Variants in FHDC1 observed in about 807,000 individuals in gnomAD.
The protein encoded by FHDC1 is FH2 domain containing 1.
In FHDC1, 25 loss-of-function variants were observed where a neutral mutation model predicts 52.6. That is an observed-to-expected ratio of 0.48 (90% CI 0.35 to 0.66). The LOEUF (loss-of-function observed/expected upper bound fraction) is 0.66, where lower values mean the gene tolerates loss of function less well. FHDC1 is among the 30% of genes least tolerant of loss of function. The pLI, the probability that FHDC1 is intolerant of heterozygous loss-of-function variation, is 0.01. For synonymous variants in FHDC1, 616 were observed against 581.5 expected (o/e 1.06, Z -0.85); for missense variants, 1,459 against 1,452.8 (o/e 1.00, Z -0.07).
In FHDC1 at chr4:152,954,262, G is replaced by C; in HGVS notation, c.606G>C (p.Glu202Asp). ...IVEDIHQGKS[E>D]HYGSETLREF... ...AAGATATTCATCAAGGAAAAAGTGA[G>C]CATTATGGATCAGAGACCTTGCGAG... The change falls in exon 4 of 12, where the codon GAG becomes GAC. Residue 202 changes from glutamate (E) to aspartate (D), a missense_variant. Glu to Asp is a conservative substitution (Grantham distance 45). This residue lies in a region of FHDC1 where 513 missense variants were observed against 581.5 expected (regional missense o/e 0.88). Coordinates refer to ENST00000511601, the MANE Select transcript of FHDC1 (RefSeq NM_001371116.1). The C allele has an allele frequency of 6.2e-7, 1 of 1,614,210 alleles. No individual in the cohort carries two copies. Among genetic ancestry groups the C allele is most frequent in the Non-Finnish European group, 8.5e-7 (1 of 1,180,020 alleles).
Position 152,963,769 on chromosome 4 carries a change from G to GTTTTTTTTTT in FHDC1, c.1029+664_1029+673dup, listed in dbSNP as rs58783965. ...GGAGTCTGATCCTATCCATTGCTTT[G>GTTTTTTTTTT]TTTTTTTTTTTTTTTTTTTTTTTTT... On this transcript the variant is annotated intron_variant, in intron 8 of 11. Transcript: ENST00000511601. Among the ~76,000 whole-genome samples, 38 of 51,802 alleles carry GTTTTTTTTTT rather than the reference G, an allele frequency of 7.3e-4. 5 individuals are homozygous for GTTTTTTTTTT. The highest frequency in any genetic ancestry group is 1.0e-3 in the African/African-American group (16 of 15,446). 34.0% of individuals were successfully genotyped at this position (51,802 alleles called of 152,430 possible). A position where few individuals can be genotyped will look rare whatever the true frequency, so the allele number is the denominator to read the frequency against.
chr4:152,969,285 T>G (rs1266753261), intron 10 of FHDC1, among the ~76,000 whole-genome samples: 1 of 152,198 alleles, frequency 6.6e-6, no homozygotes, highest in Non-Finnish European at 1.5e-5. Context: ...TTCAAAATAT[T>G]ATGGCCTTCG....
chr4:152,964,214 A>C (rs1480622397), intron 8 of FHDC1, among the ~76,000 whole-genome samples: 1 of 152,234 alleles, frequency 6.6e-6, no homozygotes, highest in Non-Finnish European at 1.5e-5. Context: ...TGAGCTCTCC[A>C]TAAATAACCA....
Position 152,974,900 on chromosome 4 carries a change from C to T in FHDC1, c.1609C>T (p.Arg537Cys), listed in dbSNP as rs756746617. 3.1e-5 allele frequency: 50 copies of T among 1,608,816 alleles called. No individual in the cohort carries two copies. Among genetic ancestry groups the T allele is most frequent in the Non-Finnish European group, 3.8e-5 (45 of 1,178,434 alleles). Residue 537 changes from arginine to cysteine, a missense_variant, in exon 12 of 12, where the codon CGC becomes TGC. Physicochemically the swap from Arg to Cys is radical, Grantham distance 180. This residue lies in a region of FHDC1 where 939 missense variants were observed against 854.5 expected (regional missense o/e 1.10). Coordinates refer to ENST00000511601, the MANE Select transcript of FHDC1 (RefSeq NM_001371116.1). ...CCCCTCCTACCGGCCCCCGAACACC[C>T]GCCGCTCCCGCCTCTCCCTGGGTCC... Reference protein sequence around the residue: ...SSPSYRPPNTRRSRLSLGPSA... With the variant: ...SSPSYRPPNTCRSRLSLGPSA...
Position 152,950,252 on chromosome 4 carries a change from C to G in FHDC1, c.499-3247C>G, listed in dbSNP as rs145652444. On this transcript the variant is annotated intron_variant, in intron 2 of 11. Coordinates refer to ENST00000511601, the MANE Select transcript of FHDC1 (RefSeq NM_001371116.1). The stretch of plus-strand genomic sequence containing the variant: ...GCAAGCATTTGGGAAGTGAGATAAG[C>G]TAATTTACATGTGCAGTGATAACCC... 3.9e-5 allele frequency among the ~76,000 whole-genome samples: 6 copies of G among 152,294 alleles called. No individual in the cohort carries two copies. In the East Asian group the frequency reaches 1.2e-3, roughly 29 times the overall value.
Position 152,943,573 on chromosome 4 carries a change from A to C in FHDC1, c.498+18A>C. On this transcript the variant is annotated intron_variant, in intron 2 of 11. Transcript: ENST00000511601. ...GAGAAGAGGTAAGAATGCAAGGTGG[A>C]GGGCTAATCCTCCACACACTGCATT... The C allele has an allele frequency of 6.2e-7, 1 of 1,601,080 alleles. No homozygotes were observed. Among genetic ancestry groups the C allele is most frequent in the Non-Finnish European group, 8.5e-7 (1 of 1,173,486 alleles).
chr4:152,921,788 T>A, the FHDC1 span, among the ~76,000 whole-genome samples: 1 of 152,116 alleles, frequency 6.6e-6, no homozygotes, highest in African/African-American at 2.4e-5. Context: ...CTAGCAGAGA[T>A]AAATATGAAA....
intron 8 of FHDC1, 129 bp from the exon 9 acceptor site, chr4:152,964,776 A>G: frequency 2.9e-6 from 2 of 688,370 alleles, no homozygotes; most frequent in Admixed American, 5.5e-5. Flanking sequence ...TTCATGTCTC[A>G]GTGAAATGCT....
At chr4:152,934,687 A>G (rs143457065), upstream of FHDC1, among the ~76,000 whole-genome samples, 18 of 152,326 alleles carry the variant, frequency 1.2e-4, no homozygotes, top group African/African-American at 3.8e-4. Context: ...AAGGAAGAGA[A>G]GGGTCAGCAG....
intron 9 of FHDC1, among the ~76,000 whole-genome samples, chr4:152,967,228 C>T (rs1485988798): frequency 6.6e-6 from 1 of 152,150 alleles, no homozygotes; most frequent in African/African-American, 2.4e-5. Context: ...GGGTTCTAGA[C>T]CAGCCTGGCC....
At position 152,963,160 on chromosome 4, in the gene FHDC1, C is replaced by T. The variant is rs375603714; in HGVS notation, c.1029+30C>T. ...GTGGAAATGATTAGGACTTAGAGAA[C>T]GCATATGAATACCCCTTGGAGGCAG... On this transcript the variant is annotated intron_variant, in intron 8 of 11. Transcript: ENST00000511601. 3.5e-4 allele frequency: 557 copies of T among 1,586,722 alleles called. 3 individuals carry two copies. The African/African-American group carries it at 5.6e-3, about 16-fold the overall frequency.
Position 152,968,115 on chromosome 4 carries a change from G to T in FHDC1, c.1218+18G>T, listed in dbSNP as rs760068783. ...TTCTTCAGGTTTGTAGGTGACTCAA[G>T]TCAGTCCCTCTAATCTCATCTCCCA... On this transcript the variant is annotated intron_variant, in intron 10 of 11. Transcript: ENST00000511601. 2.2e-5 allele frequency: 35 copies of T among 1,584,948 alleles called. No individual in the cohort carries two copies. The highest frequency in any genetic ancestry group is 1.7e-5 in the Non-Finnish European group (20 of 1,155,236).
intron 3 of FHDC1, 143 bp from the exon 4 acceptor site, chr4:152,954,074 T>G (rs1419575279): frequency 3.1e-6 from 2 of 649,336 alleles, no homozygotes; most frequent in African/African-American, 1.8e-5. Context: ...GGGGCTGTTA[T>G]GAGCACTCAC....
At chr4:152,920,008 C>T in the FHDC1 span, among the ~76,000 whole-genome samples, 17 of 132,344 alleles carry the variant, frequency 1.3e-4, no homozygotes, top group African/African-American at 2.6e-4. Flanking sequence ...AGTGCAGTGG[C>T]GCAATCTTGG....
At chr4:152,949,218 G>C (rs1488213529) in intron 2 of FHDC1, among the ~76,000 whole-genome samples, 4 of 151,966 alleles carry the variant, frequency 2.6e-5, no homozygotes, top group African/African-American at 7.3e-5. Flanking sequence ...GCTGAAACCT[G>C]TAATCTCAGC....
intron 3 of FHDC1, among the ~76,000 whole-genome samples, chr4:152,953,911 G>T (rs1431686055): frequency 6.6e-6 from 1 of 152,206 alleles, no homozygotes; most frequent in Admixed American, 6.5e-5. Flanking sequence ...GGTTGTGCAG[G>T]GGTTTCAGTG....
rs753103826 is a variant in FHDC1 at position 152,979,552 on chromosome 4, A to G, written c.*2829A>G. On this transcript the variant is annotated 3_prime_UTR_variant, in exon 12 of 12. Coordinates refer to ENST00000511601, the MANE Select transcript of FHDC1 (RefSeq NM_001371116.1). ...CTTGGAAAAATAATTTAAGAATACA[A>G]TGGAGAAATGTAAATAAGTATCTAT... The G allele has an allele frequency of 1.3e-5, 2 of 152,224 alleles. No individual in the cohort carries two copies. Among genetic ancestry groups the G allele is most frequent in the African/African-American group, 2.4e-5 (1 of 41,454 alleles). 9.4% of individuals were successfully genotyped at this position (152,224 alleles called of 1,614,324 possible).
At chr4:152,974,390 G>A (rs1335848769) in intron 11 of FHDC1, among the ~76,000 whole-genome samples, 2 of 91,086 alleles carry the variant, frequency 2.2e-5, no homozygotes, top group Non-Finnish European at 3.5e-5. Context: ...CCCAAGGATC[G>A]GATAAAAACT....
chr4:152,928,005 G>T, the FHDC1 span: 1,312 of 1,472,998 alleles, frequency 8.9e-4, 2 homozygotes, highest in Middle Eastern at 1.4e-3. Flanking sequence ...CCCTCATCCT[G>T]CAAGTCTCTC....
Sources: gnomAD v4.1 joint callset for allele counts (sites outside exome capture counted in the v4.1 genomes callset) on GRCh38, gnomAD v4.1.1 for gene constraint, gnomAD v4.1.1 regional missense constraint, MANE v1.5 for transcripts, NCBI Gene and HGNC (gene_info 2026-07-23, HGNC 2026-07-21) for gene names.